The following CA13 variants were observed in gnomAD, a reference collection of about 807,000 sequenced individuals.
CA13 encodes CA-XIII.
CA13 carries 21 observed loss-of-function variants against 31.5 expected under a neutral mutation model. That is an observed-to-expected ratio of 0.67 (90% CI 0.47 to 0.96). The LOEUF is 0.96. Ranked by LOEUF, CA13 falls within the 40% of genes least tolerant of loss-of-function variation. CA13 has a pLI of 0.00. For synonymous variants in CA13, 117 were observed against 111.4 expected (o/e 1.05, Z -0.32); for missense variants, 315 against 318.9 (o/e 0.99, Z 0.09).
chr8:85,263,122 CAGCAAGCTCAAGTT>C (rs1298434020), intron 3 of CA13, among the ~76,000 whole-genome samples: 1 of 152,074 alleles, frequency 6.6e-6, no homozygotes, highest in Admixed American at 6.6e-5. Flanking sequence ...GAAGTGGGAG[CAGCAAGCTCAAGTT>C]CTCTAAGGCA....
In CA13 at chr8:85,254,784, T is replaced by G. The variant is rs530193108; in HGVS notation, c.235+3847T>G. On this transcript the variant is annotated intron_variant, in intron 2 of 6. Coordinates refer to ENST00000321764, the MANE Select transcript of CA13 (RefSeq NM_198584.3). ...CATAGTTAAACAAGTTTTTTTTTTT[T>G]TTTTGGTTTTGTTTTTTTTTTATTT... 7.8e-3 allele frequency among the ~76,000 whole-genome samples: 1,186 copies of G among 151,638 alleles called. 14 individuals carry two copies. The highest frequency in any genetic ancestry group is 0.027 in the African/African-American group (1,117 of 41,408).
At chr8:85,257,198 G>T (rs955184346) in intron 2 of CA13, among the ~76,000 whole-genome samples, 1 of 152,142 alleles carries the variant, frequency 6.6e-6, no homozygotes, top group African/African-American at 2.4e-5. Context: ...AACAGGTGAG[G>T]TCTCTTATTT....
At chr8:85,257,104 A>G (rs1807312158) in intron 2 of CA13, among the ~76,000 whole-genome samples, 1 of 152,204 alleles carries the variant, frequency 6.6e-6, no homozygotes, top group South Asian at 2.1e-4. Flanking sequence ...TCTCAGGTTC[A>G]CTAGTCCTAA....
In CA13 at chr8:85,278,793, G is replaced by A. The variant is rs910023732; in HGVS notation, c.670-2437G>A. Among the ~76,000 whole-genome samples, 6 of 152,072 alleles carry A rather than the reference G, an allele frequency of 3.9e-5. No individual in the cohort carries two copies. The East Asian group carries it at 1.2e-3, about 29-fold the overall frequency. Reference sequence around the variant, plus strand: ...ATAAAAAGTAAATTAAAAGGATAGGGGAAAATAAGTAAACAGAAAACAAGT... The same window carrying A: ...ATAAAAAGTAAATTAAAAGGATAGGAGAAAATAAGTAAACAGAAAACAAGT... On this transcript the variant is annotated intron_variant, in intron 6 of 6. Coordinates refer to ENST00000321764, the MANE Select transcript of CA13 (RefSeq NM_198584.3).
At chr8:85,268,964 A>G (rs776769892) in intron 6 of CA13, among the ~76,000 whole-genome samples, 4 of 152,160 alleles carry the variant, frequency 2.6e-5, no homozygotes, top group Non-Finnish European at 4.4e-5. Flanking sequence ...GGGGATATAA[A>G]CAGGCTGAGA....
intron 2 of CA13, among the ~76,000 whole-genome samples, chr8:85,254,895 C>T (rs889052575): frequency 6.6e-6 from 1 of 151,016 alleles, no homozygotes; most frequent in Non-Finnish European, 1.5e-5. Flanking sequence ...GTAAAGAAGC[C>T]ATTTTTGACC....
At chr8:85,276,047 G>GC (rs964322881) in intron 6 of CA13, among the ~76,000 whole-genome samples, 24 of 152,308 alleles carry the variant, frequency 1.6e-4, no homozygotes, top group African/African-American at 4.6e-4. Flanking sequence ...CCCTCAGGTT[G>GC]CTGGGAGGTG....
In CA13 at chr8:85,256,378, A is replaced by G. The variant is rs191848557; in HGVS notation, c.236-3043A>G. Among the ~76,000 whole-genome samples the G allele has an allele frequency of 5.3e-5, 8 of 152,350 alleles. No individual in the cohort carries two copies. In the East Asian group the frequency reaches 1.5e-3, roughly 29 times the overall value. ...GAAATTTTAAAAAGATATCAAAAAG[A>G]AAGTTGTCTTCTGATTAAGAAAGTC... On this transcript the variant is annotated intron_variant, in intron 2 of 6. Transcript: ENST00000321764.
At chr8:85,281,185 G>C (rs1231729629) in intron 6 of CA13, 45 bp from the exon 7 acceptor site, 1 of 1,595,950 alleles carries the variant, frequency 6.3e-7, no homozygotes, top group Non-Finnish European at 8.6e-7. Flanking sequence ...CATTAATATT[G>C]GTGGGAATTT....
Position 85,259,144 on chromosome 8 carries a change from C to T in CA13, c.236-277C>T, listed in dbSNP as rs1165321988. Among the ~76,000 whole-genome samples, 3 of 152,270 alleles carry T rather than the reference C, an allele frequency of 2.0e-5. No individual in the cohort carries two copies. In the East Asian group the frequency reaches 5.8e-4, roughly 29 times the overall value. On this transcript the variant is annotated intron_variant, in intron 2 of 6. Coordinates refer to ENST00000321764, the MANE Select transcript of CA13 (RefSeq NM_198584.3). ...CAACCATTCCTTACCTTTCAGAAGT[C>T]CTAATTTCTATGCCTTTCTAACCAG... is the stretch of plus-strand genomic sequence containing the variant.
At chr8:85,280,037 T>G (rs775732986) in intron 6 of CA13, among the ~76,000 whole-genome samples, 11 of 151,990 alleles carry the variant, frequency 7.2e-5, no homozygotes, top group Non-Finnish European at 1.5e-4. Context: ...ATTCCAGCAC[T>G]TTAGGAGGCT....
At chr8:85,277,198 A>G (rs1807624794) in intron 6 of CA13, among the ~76,000 whole-genome samples, 1 of 152,114 alleles carries the variant, frequency 6.6e-6, no homozygotes, top group Admixed American at 6.5e-5. Flanking sequence ...CCTCTTTGCA[A>G]TAAATCTTGC....
At chr8:85,264,883 C>T (rs1356304861) in intron 3 of CA13, among the ~76,000 whole-genome samples, 1 of 152,128 alleles carries the variant, frequency 6.6e-6, no homozygotes, top group Admixed American at 6.5e-5. Context: ...TTCTTTCCTC[C>T]CCCAACTATC....
chr8:85,277,477 A>G (rs1807630338), intron 6 of CA13, among the ~76,000 whole-genome samples: 1 of 152,158 alleles, frequency 6.6e-6, no homozygotes. Context: ...TGCTGCGTTT[A>G]AGTACTGTAA....
At chr8:85,258,775 A>AAC (rs1807337402) in intron 2 of CA13, among the ~76,000 whole-genome samples, 1 of 149,546 alleles carries the variant, frequency 6.7e-6, no homozygotes, top group Non-Finnish European at 1.5e-5. Flanking sequence ...AAAAAAAAAA[A>AAC]AAAAAAAAAA....
chr8:85,275,451 G>A (rs1172920319), intron 6 of CA13, among the ~76,000 whole-genome samples: 2 of 152,128 alleles, frequency 1.3e-5, no homozygotes, highest in East Asian at 3.9e-4. Context: ...GGGCTCCCCT[G>A]CATACCTGGC....
intron 1 of CA13, among the ~76,000 whole-genome samples, chr8:85,248,892 TCTTA>T (rs1420501462): frequency 6.6e-6 from 1 of 152,184 alleles, no homozygotes; most frequent in Admixed American, 6.5e-5. Flanking sequence ...TTAGGTTAAC[TCTTA>T]CTTGGTGGCA....
At chr8:85,277,211 C>T (rs977649654) in intron 6 of CA13, among the ~76,000 whole-genome samples, 3 of 152,190 alleles carry the variant, frequency 2.0e-5, no homozygotes, top group Non-Finnish European at 2.9e-5. Context: ...AATCTTGCTG[C>T]TGCTCACTCT....
At chr8:85,268,899 T>G (rs1807492322) in intron 6 of CA13, among the ~76,000 whole-genome samples, 1 of 152,206 alleles carries the variant, frequency 6.6e-6, no homozygotes, top group African/African-American at 2.4e-5. Flanking sequence ...GCTTTTGGTT[T>G]GTTGCTGTTT....
Sources: gnomAD v4.1 joint callset for allele counts (sites outside exome capture counted in the v4.1 genomes callset) on GRCh38, gnomAD v4.1.1 for gene constraint, MANE v1.5 for transcripts, NCBI Gene and HGNC (gene_info 2026-07-23, HGNC 2026-07-21) for gene names.